The following ADAMTSL1 variants were observed in gnomAD, a reference collection of about 807,000 sequenced individuals.
The protein encoded by ADAMTSL1 is ADAMTS-like protein 1.
In ADAMTSL1, 126 loss-of-function variants were observed where a neutral mutation model predicts 201.8. That is an observed-to-expected ratio of 0.62 (90% CI 0.54 to 0.72). The LOEUF (loss-of-function observed/expected upper bound fraction) is 0.72. Among genes scored for constraint, ADAMTSL1 ranks in the 30% least tolerant of loss-of-function variants. The pLI is 0.00. For synonymous variants in ADAMTSL1, 1,121 were observed against 903.4 expected (o/e 1.24, Z -4.32); for missense variants, 2,679 against 2,277.8 (o/e 1.18, Z -3.59).
intron 4 of ADAMTSL1, among the ~76,000 whole-genome samples, chr9:18,582,369 G>A (rs972534826): frequency 3.3e-5 from 5 of 152,146 alleles, no homozygotes; most frequent in African/African-American, 4.8e-5. Context: ...AGCTAAGTAC[G>A]TAAGTTTATT....
intron 1 of ADAMTSL1, among the ~76,000 whole-genome samples, chr9:17,912,933 T>G (rs1462096953): frequency 1.3e-5 from 2 of 152,300 alleles, no homozygotes; most frequent in East Asian, 3.9e-4. Context: ...CACCATTTAT[T>G]AAGTAGGGAA....
chr9:18,147,941 A>G (rs375009307), intron 1 of ADAMTSL1, among the ~76,000 whole-genome samples: 1 of 152,084 alleles, frequency 6.6e-6, no homozygotes, highest in African/African-American at 2.4e-5. Context: ...GGAAGTTTTT[A>G]CCTGCCATTA....
rs576755542 is a variant in ADAMTSL1 at position 18,583,676 on chromosome 9, G to A, written c.474+9410G>A. On this transcript the variant is annotated intron_variant, in intron 4 of 28. Transcript: ENST00000380548. ...TCAACACCAGCCAGTAAAAGCAGCC[G>A]GGAAGGAGGCTGTGCCCTGCAGAGC... 9.2e-5 allele frequency among the ~76,000 whole-genome samples: 14 copies of A among 152,258 alleles called. No individual in the cohort carries two copies. The East Asian group carries it at 1.7e-3, about 19-fold the overall frequency.
chr9:18,814,186 A>G (rs1823690079), intron 20 of ADAMTSL1, among the ~76,000 whole-genome samples: 2 of 152,204 alleles, frequency 1.3e-5, no homozygotes, highest in Non-Finnish European at 2.9e-5. Flanking sequence ...GTGATATATC[A>G]CATTTGTTGA....
chr9:17,928,848 C>T (rs527406679), intron 1 of ADAMTSL1, among the ~76,000 whole-genome samples: 1 of 152,160 alleles, frequency 6.6e-6, no homozygotes, highest in Non-Finnish European at 1.5e-5. Flanking sequence ...ACTAATTGCA[C>T]ACATGGCATG....
intron 9 of ADAMTSL1, among the ~76,000 whole-genome samples, chr9:18,674,830 C>CT (rs1354367411): frequency 6.6e-6 from 1 of 152,172 alleles, no homozygotes; most frequent in Non-Finnish European, 1.5e-5. Flanking sequence ...CCATGCTCTA[C>CT]ATCTGTGCAT....
At chr9:18,124,547 T>C (rs565854671) in intron 1 of ADAMTSL1, among the ~76,000 whole-genome samples, 63 of 152,304 alleles carry the variant, frequency 4.1e-4, no homozygotes, top group African/African-American at 1.5e-3. Context: ...TTTTACTTTG[T>C]TGGGAATGTC....
At chr9:18,851,076 C>T (rs2131370554) in intron 23 of ADAMTSL1, among the ~76,000 whole-genome samples, 1 of 152,266 alleles carries the variant, frequency 6.6e-6, no homozygotes, top group South Asian at 2.1e-4. Context: ...CAAGTTCTTC[C>T]ATAAATTATA....
At chr9:18,439,215 C>G (rs914556924) in intron 2 of ADAMTSL1, among the ~76,000 whole-genome samples, 2 of 152,102 alleles carry the variant, frequency 1.3e-5, no homozygotes, top group Non-Finnish European at 2.9e-5. Context: ...ACCCCCGGTT[C>G]CTATGTCTTC....
intron 5 of ADAMTSL1, among the ~76,000 whole-genome samples, chr9:18,633,740 A>G (rs1826930789): frequency 6.6e-6 from 1 of 151,680 alleles, no homozygotes; most frequent in African/African-American, 2.4e-5. Context: ...AAATTCAACA[A>G]TGTATGACAT....
chr9:18,690,316 A>C (rs1831134165), intron 13 of ADAMTSL1, among the ~76,000 whole-genome samples: 1 of 151,862 alleles, frequency 6.6e-6, no homozygotes, highest in South Asian at 2.1e-4. Flanking sequence ...GGCTTAACTC[A>C]GTGGTTAAGA....
Position 18,160,208 on chromosome 9 carries a change from G to A in ADAMTSL1, c.88-3654G>A, listed in dbSNP as rs148150355. Reference sequence around the variant, plus strand: ...AGAAAGAGGGGTCACTGTTTGAAGCGGGAAATCAGATTGCAAGAAGGAGAA... The same window carrying A: ...AGAAAGAGGGGTCACTGTTTGAAGCAGGAAATCAGATTGCAAGAAGGAGAA... On this transcript the variant is annotated intron_variant, in intron 1 of 29. Transcript: ENST00000680146. 1.3e-3 allele frequency among the ~76,000 whole-genome samples: 193 copies of A among 152,090 alleles called. 3 individuals carry two copies. In the East Asian group the frequency reaches 0.032, roughly 25 times the overall value.
chr9:18,389,197 T>A (rs937707855), intron 2 of ADAMTSL1, among the ~76,000 whole-genome samples: 4 of 151,380 alleles, frequency 2.6e-5, no homozygotes, highest in Non-Finnish European at 4.4e-5. Flanking sequence ...TTTTTTTTTT[T>A]AAGAAATTGA....
At chr9:18,292,279 A>T (rs1833303882) in intron 2 of ADAMTSL1, among the ~76,000 whole-genome samples, 1 of 152,154 alleles carries the variant, frequency 6.6e-6, no homozygotes, top group Admixed American at 6.5e-5. Flanking sequence ...AGAGGTGAAC[A>T]GCAGGTAATT....
intron 2 of ADAMTSL1, among the ~76,000 whole-genome samples, chr9:18,171,081 A>G (rs1827868244): frequency 6.6e-6 from 1 of 152,106 alleles, no homozygotes; most frequent in Non-Finnish European, 1.5e-5. Flanking sequence ...AACCAGAATG[A>G]TTTTGAAGAA....
intron 10 of ADAMTSL1, among the ~76,000 whole-genome samples, chr9:18,677,689 T>C (rs1320891036): frequency 6.6e-5 from 10 of 152,088 alleles, no homozygotes; most frequent in Admixed American, 6.5e-4. Context: ...TTGGGATTTT[T>C]CTCCAAATGC....
At chr9:18,052,211 T>A (rs1821970367) in intron 1 of ADAMTSL1, among the ~76,000 whole-genome samples, 1 of 152,250 alleles carries the variant, frequency 6.6e-6, no homozygotes, top group South Asian at 2.1e-4. Context: ...GGCCCTTGCC[T>A]GTCTGGAGCT....
At chr9:17,917,550 G>A (rs975973326) in intron 1 of ADAMTSL1, among the ~76,000 whole-genome samples, 1 of 151,916 alleles carries the variant, frequency 6.6e-6, no homozygotes, top group African/African-American at 2.4e-5. Flanking sequence ...AGCCCAAATT[G>A]ATCATAATAT....
At chr9:18,099,361 T>A (rs1195867237) in intron 1 of ADAMTSL1, among the ~76,000 whole-genome samples, 5,564 of 73,120 alleles carry the variant, frequency 0.076, 436 homozygotes, top group African/African-American at 0.21. Flanking sequence ...ATATATTTTT[T>A]TTTTTTTTTT....
Sources: gnomAD v4.1 joint callset for allele counts (sites outside exome capture counted in the v4.1 genomes callset) on GRCh38, gnomAD v4.1.1 for gene constraint, MANE v1.5 for transcripts, NCBI Gene and HGNC (gene_info 2026-07-23, HGNC 2026-07-21) for gene names.